The following CATSPERD variants were observed in gnomAD, a reference collection of about 807,000 sequenced individuals.
The protein encoded by CATSPERD is cation channel sperm-associated auxiliary subunit delta.
CATSPERD carries 86 observed loss-of-function variants against 98.1 expected under a neutral mutation model. That is an observed-to-expected ratio of 0.88 (90% CI 0.74 to 1.05). The LOEUF is 1.05. CATSPERD is among the 50% of genes least tolerant of loss of function. The pLI is 0.00. For synonymous variants in CATSPERD, 394 were observed against 390.2 expected, an observed-to-expected ratio of 1.01 and a Z score of -0.12; for missense variants, 995 against 1,005.7, an observed-to-expected ratio of 0.99 and a Z score of 0.14.
intron 4 of CATSPERD, among the ~76,000 whole-genome samples, chr19:5,732,709 T>G (rs1385733182): frequency 6.6e-6 from 1 of 152,032 alleles, no homozygotes; most frequent in Non-Finnish European, 1.5e-5. Flanking sequence ...AGACCGAGTC[T>G]CTGTCACCCA....
chr19:5,742,475 A>C (rs1027036294), intron 7 of CATSPERD, among the ~76,000 whole-genome samples: 3 of 152,072 alleles, frequency 2.0e-5, no homozygotes, highest in African/African-American at 7.2e-5. Context: ...GTCAGCCCCT[A>C]TTGCTATCAA....
chr19:5,740,833 C>G (rs563884486), intron 7 of CATSPERD, among the ~76,000 whole-genome samples: 1 of 151,380 alleles, frequency 6.6e-6, no homozygotes, highest in Non-Finnish European at 1.5e-5. Flanking sequence ...ACTTGTAACC[C>G]CAGCACTTTG....
intron 17 of CATSPERD, 114 bp from the exon 18 acceptor site, chr19:5,768,054 C>G: frequency 1.2e-6 from 1 of 801,198 alleles, no homozygotes; most frequent in Non-Finnish European, 2.0e-6. Flanking sequence ...CGCCTCAGCT[C>G]CCAAAGTGCT....
At chr19:5,739,573 T>C in intron 7 of CATSPERD, 134 bp downstream of exon 7, 1 of 529,630 alleles carries the variant, frequency 1.9e-6, no homozygotes, top group Non-Finnish European at 3.3e-6. Flanking sequence ...GGCTCATGCC[T>C]GTAATCCCAG....
At chr19:5,765,120 A>G (rs2056512975) in intron 16 of CATSPERD, among the ~76,000 whole-genome samples, 1 of 151,564 alleles carries the variant, frequency 6.6e-6, no homozygotes, top group East Asian at 1.9e-4. Context: ...TGTTGCCCAG[A>G]CTGGTCTCTA....
chr19:5,741,785 C>CGGGGGGGGGGT (rs2055969932), intron 7 of CATSPERD, among the ~76,000 whole-genome samples: 1 of 6,114 alleles, frequency 1.6e-4, no homozygotes, highest in African/African-American at 3.9e-4. Context: ...ATGCTGAAGG[C>CGGGGGGGGGGT]GGGGGGGGGG....
At chr19:5,762,848 A>G (rs921972854) in intron 15 of CATSPERD, among the ~76,000 whole-genome samples, 2 of 151,036 alleles carry the variant, frequency 1.3e-5, no homozygotes, top group Admixed American at 6.6e-5. Context: ...GGATGAGTGG[A>G]TGGATGGATG....
At chr19:5,762,056 A>ATATATATATATATATATGTAT (rs1555725338) in intron 15 of CATSPERD, among the ~76,000 whole-genome samples, 1 of 14,482 alleles carries the variant, frequency 6.9e-5, no homozygotes, top group African/African-American at 2.2e-4. Flanking sequence ...ATATATATAT[A>ATATATATATATATATATGTAT]TATTTTTTTT....
chr19:5,745,878 T>C (rs1486885299), intron 8 of CATSPERD, 35 bp from the exon 9 acceptor site: 2 of 1,610,320 alleles, frequency 1.2e-6, no homozygotes, highest in Non-Finnish European at 1.7e-6. Flanking sequence ...ACAGTAGGGT[T>C]TGGGGAGAGG....
At chr19:5,774,255 T>C (rs1355282935) in intron 20 of CATSPERD, among the ~76,000 whole-genome samples, 12 of 151,720 alleles carry the variant, frequency 7.9e-5, no homozygotes, top group Non-Finnish European at 1.5e-4. Context: ...CGTGAGCCAC[T>C]GCGCCCGGTC....
At chr19:5,726,027 G>A (rs1468449644) in intron 2 of CATSPERD, among the ~76,000 whole-genome samples, 1 of 151,732 alleles carries the variant, frequency 6.6e-6, no homozygotes, top group Non-Finnish European at 1.5e-5. Flanking sequence ...ACATGAATAG[G>A]TATGAGATGT....
At chr19:5,775,159 A>G in intron 20 of CATSPERD, 1 of 455,668 alleles carries the variant, frequency 2.2e-6, no homozygotes. Flanking sequence ...TACAACAGTT[A>G]CTACTGCTAC....
intron 11 of CATSPERD, among the ~76,000 whole-genome samples, chr19:5,750,530 C>T (rs985320964): frequency 6.7e-6 from 1 of 148,934 alleles, no homozygotes; most frequent in Admixed American, 6.8e-5. Context: ...ACTTTGGTTC[C>T]AGGAGTTCAT....
intron 7 of CATSPERD, among the ~76,000 whole-genome samples, chr19:5,744,200 G>A (rs1215136949): frequency 6.6e-6 from 1 of 151,962 alleles, no homozygotes; most frequent in Non-Finnish European, 1.5e-5. Context: ...GGCTGGTCTC[G>A]AACTGCTGAC....
rs571917462 is a variant in CATSPERD at position 5,745,021 on chromosome 19, CA to C, written c.657+513del. 6.0e-3 allele frequency among the ~76,000 whole-genome samples: 914 copies of C among 152,278 alleles called. 7 individuals carry two copies. Among genetic ancestry groups the C allele is most frequent in the Non-Finnish European group, 9.7e-3 (661 of 68,024 alleles). On this transcript the variant is annotated intron_variant, in intron 8 of 21. Transcript: ENST00000381624. ...GCAGTGGTGTAATCTGGGCTCACTGCAACCTCTGCCTCCCGGGCTCAAGTGA... is the reference window on the plus strand; with the variant it reads ...GCAGTGGTGTAATCTGGGCTCACTGCACCTCTGCCTCCCGGGCTCAAGTGA...
rs376170882 is a variant in CATSPERD, at chr19:5,770,982, C to T, written c.1673C>T (p.Ser558Phe). The T allele has an allele frequency of 3.1e-6, 5 of 1,613,838 alleles. No individual in the cohort carries two copies. In the African/African-American group the frequency reaches 5.3e-5, roughly 17 times the overall value. The stretch of plus-strand genomic sequence containing the variant: ...CCCGGCTTCCAGGGGCAGCAGTCCT[C>T]CGAGGACCTGCACGTGTTTTACTCC... Reference protein sequence around the residue: ...YDPGFQGQQSSEDLHVFYSYQ... With the variant: ...YDPGFQGQQSFEDLHVFYSYQ... Residue 558 changes from serine (S) to phenylalanine (F), a missense_variant, in exon 19 of 22, where the codon TCC (serine) becomes TTC (phenylalanine). Physicochemically the swap from Ser to Phe is radical, Grantham distance 155. Around this residue, in one of 3 missense-constraint regions of CATSPERD, gnomAD observed 762 missense variants for 773.7 expected, o/e 0.98. Coordinates refer to ENST00000381624, the MANE Select transcript of CATSPERD (RefSeq NM_152784.4).
rs56352544 is a variant in CATSPERD, at chr19:5,763,847, C to CTTTTTTTTTTTTTTTTTTTTGTTTT, written c.1506+572_1506+573insTTGTTTTTTTTTTTTTTTTTTTTTT. 3.2e-5 allele frequency among the ~76,000 whole-genome samples: 2 copies of CTTTTTTTTTTTTTTTTTTTTGTTTT among 62,120 alleles called. 1 individual carries two copies. The highest frequency in any genetic ancestry group is 6.4e-5 in the Non-Finnish European group (2 of 31,388). The allele number at this position is 62,120 out of a possible 152,430, so 40.8% of individuals were successfully genotyped here. On this transcript the variant is annotated intron_variant, in intron 16 of 21. Coordinates refer to ENST00000381624, the MANE Select transcript of CATSPERD (RefSeq NM_152784.4). ...TGTTGGCCAGGCTGGTCTTGAACTC[C>CTTTTTTTTTTTTTTTTTTTTGTTTT]TTTTTTTTTTTTTTTTTTGACATGG...
intron 14 of CATSPERD, 90 bp from the exon 15 acceptor site, chr19:5,758,996 T>C (rs1308740411): frequency 3.4e-6 from 3 of 879,022 alleles, no homozygotes; most frequent in Non-Finnish European, 3.5e-6. Flanking sequence ...CCATGTCCCC[T>C]CCAACACCCC....
At chr19:5,767,655 T>G (rs1273309790) in intron 17 of CATSPERD, among the ~76,000 whole-genome samples, 1 of 148,716 alleles carries the variant, frequency 6.7e-6, no homozygotes, top group African/African-American at 2.5e-5. Context: ...CCCAGCTAAT[T>G]TTTTTGTATT....
Sources: allele counts gnomAD v4.1 joint callset (sites outside exome capture counted in the v4.1 genomes callset), GRCh38; gene constraint gnomAD v4.1.1; regional missense constraint gnomAD v4.1.1; transcripts MANE v1.5; gene names NCBI Gene and HGNC (gene_info 2026-07-23, HGNC 2026-07-21).